NXPH1: variants seen among roughly 807,000 people sequenced by gnomAD.
NXPH1 encodes neurexophilin 1, also known as neurexophilin-1.
In NXPH1, 5 loss-of-function variants were observed where a neutral mutation model predicts 23.7. The observed-to-expected ratio is 0.21, with a 90% CI of 0.11 to 0.44. The LOEUF (loss-of-function observed/expected upper bound fraction) is 0.44, where lower values mean the gene tolerates loss of function less well. Ranked by LOEUF, NXPH1 falls within the 20% of genes least tolerant of loss-of-function variation. The probability of loss-of-function intolerance (pLI) is 0.99; values close to 1 mark genes in which losing one functional copy is unlikely to be tolerated. For missense variants in NXPH1, 324 were observed against 321.6 expected (o/e 1.01, Z -0.06); for synonymous variants, 144 against 122.2 (o/e 1.18, Z -1.18).
At chr7:8,686,579 T>C (rs907250128) in intron 2 of NXPH1, among the ~76,000 whole-genome samples, 1 of 152,096 alleles carries the variant, frequency 6.6e-6, no homozygotes, top group African/African-American at 2.4e-5. Flanking sequence ...TTTAAGTAAT[T>C]GTTCATATCA....
intron 2 of NXPH1, among the ~76,000 whole-genome samples, chr7:8,487,252 A>G (rs139693279): frequency 6.6e-6 from 1 of 152,214 alleles, no homozygotes; most frequent in African/African-American, 2.4e-5. Flanking sequence ...CTCACCTTGA[A>G]TTGTAGCTCC....
intron 2 of NXPH1, among the ~76,000 whole-genome samples, chr7:8,535,042 GAAAGT>G (rs1563338619): frequency 6.6e-6 from 1 of 152,038 alleles, no homozygotes; most frequent in Non-Finnish European, 1.5e-5. Context: ...CCAAATCAAT[GAAAGT>G]AAAGTGCAGT....
chr7:8,564,313 C>A (rs912911488), intron 2 of NXPH1, among the ~76,000 whole-genome samples: 2 of 151,806 alleles, frequency 1.3e-5, no homozygotes, highest in Admixed American at 1.3e-4. Flanking sequence ...AAATTAATTT[C>A]ATGCCTAATC....
At chr7:8,635,620 C>A (rs879101401) in intron 2 of NXPH1, among the ~76,000 whole-genome samples, 2 of 152,248 alleles carry the variant, frequency 1.3e-5, no homozygotes, top group Admixed American at 1.3e-4. Context: ...CCTGCCAGAA[C>A]GTTGGAGAGT....
intron 2 of NXPH1, among the ~76,000 whole-genome samples, chr7:8,546,461 G>A (rs904403143): frequency 4.0e-5 from 6 of 151,240 alleles, no homozygotes; most frequent in African/African-American, 1.5e-4. Context: ...AGATCACACT[G>A]CAATCTATGG....
intron 2 of NXPH1, among the ~76,000 whole-genome samples, chr7:8,482,972 C>A (rs1188801876): frequency 6.6e-6 from 1 of 152,198 alleles, no homozygotes; most frequent in Non-Finnish European, 1.5e-5. Flanking sequence ...AAATACATTA[C>A]ATTTTGTTGT....
intron 2 of NXPH1, among the ~76,000 whole-genome samples, chr7:8,611,413 T>C (rs931514290): frequency 1.3e-5 from 2 of 152,128 alleles, no homozygotes; most frequent in African/African-American, 4.8e-5. Context: ...ACAGATTACT[T>C]GCTAAAGACC....
At chr7:8,745,653 A>T (rs990130669) in intron 2 of NXPH1, among the ~76,000 whole-genome samples, 13 of 151,732 alleles carry the variant, frequency 8.6e-5, no homozygotes, top group African/African-American at 2.7e-4. Flanking sequence ...CCCTGATTCA[A>T]GCAATTCTCC....
chr7:8,465,801 C>T lies in NXPH1; in HGVS notation c.54+30034C>T, dbSNP rs138898538. Reference sequence around the variant, plus strand: ...CAATAGCTGGCTTCATGTCACACAACATGACTCTCATGGGGATTACAGTAG... The same window carrying T: ...CAATAGCTGGCTTCATGTCACACAATATGACTCTCATGGGGATTACAGTAG... On this transcript the variant is annotated intron_variant, in intron 2 of 2. Coordinates refer to ENST00000405863, the MANE Select transcript of NXPH1 (RefSeq NM_152745.3). 2.6e-5 allele frequency among the ~76,000 whole-genome samples: 4 copies of T among 152,358 alleles called. No individual in the cohort carries two copies. The East Asian group carries it at 7.7e-4, about 29-fold the overall frequency.
At chr7:8,447,396 T>C (rs1346263344) in intron 2 of NXPH1, among the ~76,000 whole-genome samples, 1 of 152,248 alleles carries the variant, frequency 6.6e-6, no homozygotes, top group East Asian at 1.9e-4. Context: ...TTCTCTGGTC[T>C]TGATGTGGAA....
chr7:8,647,048 C>A (rs941733821), intron 2 of NXPH1, among the ~76,000 whole-genome samples: 5 of 152,100 alleles, frequency 3.3e-5, no homozygotes, highest in African/African-American at 1.2e-4. Flanking sequence ...CTCCTAGCCA[C>A]CCCTGGGACA....
chr7:8,570,229 A>G (rs1311157074), intron 2 of NXPH1, among the ~76,000 whole-genome samples: 1 of 152,102 alleles, frequency 6.6e-6, no homozygotes, highest in East Asian at 1.9e-4. Context: ...AAATATCAGC[A>G]GTTTCATGCA....
At chr7:8,717,043 A>G (rs1779889738) in intron 2 of NXPH1, among the ~76,000 whole-genome samples, 1 of 152,236 alleles carries the variant, frequency 6.6e-6, no homozygotes, top group South Asian at 2.1e-4. Flanking sequence ...AAGAAATAAC[A>G]TGCAAGTTAC....
intron 2 of NXPH1, among the ~76,000 whole-genome samples, chr7:8,650,786 A>G (rs1820478371): frequency 6.6e-6 from 1 of 152,174 alleles, no homozygotes; most frequent in Admixed American, 6.6e-5. Context: ...TGCTGTTGAA[A>G]TAAAGGTAGA....
intron 2 of NXPH1, among the ~76,000 whole-genome samples, chr7:8,440,515 G>T (rs1816279704): frequency 6.6e-6 from 1 of 152,102 alleles, no homozygotes; most frequent in Admixed American, 6.5e-5. Context: ...TGAAAGTGTT[G>T]TCTGGGTGAA....
chr7:8,435,535 T>C lies in NXPH1; in HGVS notation c.-110-69T>C, dbSNP rs1446354385. 3 of 597,284 alleles carry C rather than the reference T, an allele frequency of 5.0e-6. No individual in the cohort carries two copies. The highest frequency in any genetic ancestry group is 9.1e-6 in the Non-Finnish European group (3 of 330,520). The allele number at this position is 597,284 out of a possible 1,614,324, so 37.0% of individuals were successfully genotyped here. A position where few individuals can be genotyped will look rare whatever the true frequency, so the allele number is the denominator to read the frequency against. On this transcript the variant is annotated intron_variant, in intron 1 of 2. Transcript: ENST00000405863. This position sits in a 1 kb window ranked among gnomAD's most constrained non-coding sequence, Gnocchi z 5.9. The stretch of plus-strand genomic sequence containing the variant: ...CCCCACTCCCCGCTACGACCCCCTT[T>C]CCCCGCTTGATTGTCAAGCCTAACC...
At chr7:8,745,217 T>G (rs1371415253) in intron 2 of NXPH1, among the ~76,000 whole-genome samples, 1 of 152,152 alleles carries the variant, frequency 6.6e-6, no homozygotes, top group Non-Finnish European at 1.5e-5. Flanking sequence ...TATTGACAAG[T>G]GAAAATTGTG....
At chr7:8,680,198 C>T (rs1306886511) in intron 2 of NXPH1, among the ~76,000 whole-genome samples, 2 of 152,208 alleles carry the variant, frequency 1.3e-5, no homozygotes, top group African/African-American at 4.8e-5. Context: ...TTATTGAGTA[C>T]ATGTGATGCA....
intron 2 of NXPH1, among the ~76,000 whole-genome samples, chr7:8,555,400 A>T (rs946400253): frequency 1.3e-5 from 2 of 151,696 alleles, no homozygotes; most frequent in Non-Finnish European, 1.5e-5. Flanking sequence ...AGATACGAGT[A>T]GATTTTGAAC....
Sources: gnomAD v4.1 joint callset for allele counts (sites outside exome capture counted in the v4.1 genomes callset) on GRCh38, gnomAD v4.1.1 for gene constraint, Gnocchi (gnomAD v3.1) non-coding constraint, MANE v1.5 for transcripts, NCBI Gene and HGNC (gene_info 2026-07-23, HGNC 2026-07-21) for gene names.